Variants in FOXO1 observed in about 807,000 individuals in gnomAD.
FOXO1 encodes the protein forkhead box protein O1.
In FOXO1, 6 loss-of-function variants were observed where a neutral mutation model predicts 44.1. That is an observed-to-expected ratio of 0.14 (90% CI 0.07 to 0.27). FOXO1 has a LOEUF of 0.27. Among genes scored for constraint, FOXO1 ranks in the 10% least tolerant of loss-of-function variants. FOXO1 has a pLI of 1.00. For synonymous variants in FOXO1, 380 were observed against 362.7 expected, an observed-to-expected ratio of 1.05 and a Z score of -0.54; for missense variants, 737 against 888.8, an observed-to-expected ratio of 0.83 and a Z score of 2.17.
chr13:40,621,430 A>G (rs1273881939), intron 1 of FOXO1: 1 of 241,114 alleles, frequency 4.1e-6, no homozygotes, highest in African/African-American at 2.3e-5. Flanking sequence ...ACTTGTGATG[A>G]GCTAACTAGG....
intron 1 of FOXO1, among the ~76,000 whole-genome samples, chr13:40,608,617 A>C (rs1429961908): frequency 1.3e-5 from 2 of 152,214 alleles, no homozygotes; most frequent in East Asian, 3.8e-4. Flanking sequence ...GCTTGTTGTT[A>C]AAGTAGCAAT....
intron 1 of FOXO1, among the ~76,000 whole-genome samples, chr13:40,578,488 C>T (rs1412658658): frequency 6.6e-6 from 1 of 152,118 alleles, no homozygotes; most frequent in Admixed American, 6.6e-5. Context: ...GTCTTTATTC[C>T]CAAAGCATCC....
intron 1 of FOXO1, among the ~76,000 whole-genome samples, chr13:40,586,214 T>A (rs1875159504): frequency 6.6e-6 from 1 of 152,242 alleles, no homozygotes; most frequent in South Asian, 2.1e-4. Flanking sequence ...CTAAGCACAG[T>A]ACTATTTTGT....
At chr13:40,580,753 C>G (rs1296983044) in intron 1 of FOXO1, among the ~76,000 whole-genome samples, 4 of 152,168 alleles carry the variant, frequency 2.6e-5, no homozygotes, top group African/African-American at 7.2e-5. Context: ...GACACTTGTC[C>G]TCAATGTTTA....
At chr13:40,574,536 G>A (rs891131257) in intron 1 of FOXO1, among the ~76,000 whole-genome samples, 1 of 152,196 alleles carries the variant, frequency 6.6e-6, no homozygotes, top group African/African-American at 2.4e-5. Flanking sequence ...AAAATGCAAG[G>A]TTTTTATTAG....
chr13:40,580,111 G>C (rs1043487075), intron 1 of FOXO1, among the ~76,000 whole-genome samples: 2 of 152,118 alleles, frequency 1.3e-5, no homozygotes, highest in African/African-American at 4.8e-5. Flanking sequence ...GTTAAAGAAA[G>C]AGCATTTTAC....
intron 1 of FOXO1, among the ~76,000 whole-genome samples, chr13:40,562,427 T>G (rs1193923076): frequency 2.6e-5 from 4 of 152,180 alleles, no homozygotes; most frequent in African/African-American, 9.7e-5. Flanking sequence ...TAGGTGACCT[T>G]GGGAAGCTGC....
At chr13:40,659,112 C>T (rs1877951684) in intron 1 of FOXO1, among the ~76,000 whole-genome samples, 1 of 151,814 alleles carries the variant, frequency 6.6e-6, no homozygotes, top group Admixed American at 6.6e-5. Flanking sequence ...GTTAGGAGTT[C>T]GAGACCAGCC....
chr13:40,615,560 CATACAT>C (rs1426716774), intron 1 of FOXO1, among the ~76,000 whole-genome samples: 155 of 150,992 alleles, frequency 1.0e-3, no homozygotes, highest in Non-Finnish European at 1.9e-3. Flanking sequence ...TACATACATA[CATACAT>C]ACATACATAC....
At chr13:40,662,277 CAA>C (rs1306799055) in intron 1 of FOXO1, among the ~76,000 whole-genome samples, 3 of 149,916 alleles carry the variant, frequency 2.0e-5, no homozygotes, top group African/African-American at 7.4e-5. Flanking sequence ...GTGGTATAGT[CAA>C]AGTCATTCTT....
intron 1 of FOXO1, among the ~76,000 whole-genome samples, chr13:40,641,835 A>G (rs7990923): frequency 0.41 from 62,682 of 151,798 alleles, 14,152 homozygotes; most frequent in East Asian, 0.73. Flanking sequence ...AAAATGTAAA[A>G]ATTAGCAGGG....
chr13:40,637,510 G>A (rs1877202972), intron 1 of FOXO1, among the ~76,000 whole-genome samples: 3 of 148,616 alleles, frequency 2.0e-5, no homozygotes, highest in South Asian at 2.1e-4. Context: ...TCAACCTTAC[G>A]TCTTCCTAGC....
intron 1 of FOXO1, among the ~76,000 whole-genome samples, chr13:40,654,128 T>C (rs535064993): frequency 6.6e-6 from 1 of 151,610 alleles, no homozygotes; most frequent in East Asian, 1.9e-4. Context: ...GGTATATCAT[T>C]AGGACCAGCT....
At chr13:40,645,609 TTTA>T (rs1339636649) in intron 1 of FOXO1, among the ~76,000 whole-genome samples, 1 of 152,204 alleles carries the variant, frequency 6.6e-6, no homozygotes, top group Non-Finnish European at 1.5e-5. Flanking sequence ...AGCAATGACC[TTTA>T]AAGAAACTTT....
intron 1 of FOXO1, among the ~76,000 whole-genome samples, chr13:40,606,644 A>G (rs897075636): frequency 3.9e-5 from 6 of 151,996 alleles, no homozygotes; most frequent in Non-Finnish European, 2.9e-5. Flanking sequence ...ACAGCACAGC[A>G]TGTTATTTTC....
chr13:40,620,669 A>C (rs1248684838), intron 1 of FOXO1, among the ~76,000 whole-genome samples: 1 of 152,122 alleles, frequency 6.6e-6, no homozygotes, highest in Non-Finnish European at 1.5e-5. Flanking sequence ...GCCCAAGGAG[A>C]CAGCACTGAA....
intron 1 of FOXO1, among the ~76,000 whole-genome samples, chr13:40,572,931 A>G (rs1874595432): frequency 6.6e-6 from 1 of 152,206 alleles, no homozygotes; most frequent in Non-Finnish European, 1.5e-5. Context: ...CAGCATCACC[A>G]GAAGCCCAGG....
chr13:40,643,347 G>GAAAAAAAAAA (rs71727126), intron 1 of FOXO1, among the ~76,000 whole-genome samples: 3 of 91,396 alleles, frequency 3.3e-5, no homozygotes, highest in Non-Finnish European at 4.5e-5. Context: ...GTCTCAAAAA[G>GAAAAAAAAAA]AAAAAAAAAA....
intron 1 of FOXO1, among the ~76,000 whole-genome samples, chr13:40,593,711 C>T (rs1051091517): frequency 2.0e-5 from 3 of 152,162 alleles, no homozygotes; most frequent in South Asian, 2.1e-4. Flanking sequence ...GAGTTAATTA[C>T]GTAAAGAATC....
Sources: allele counts gnomAD v4.1 joint callset (sites outside exome capture counted in the v4.1 genomes callset), GRCh38; gene constraint gnomAD v4.1.1; transcripts MANE v1.5; gene names NCBI Gene and HGNC (gene_info 2026-07-23, HGNC 2026-07-21).